Variants in CCDC60 observed in about 807,000 individuals in gnomAD.
The protein encoded by CCDC60 is coiled-coil domain containing 60.
In CCDC60, 54 loss-of-function variants were observed where a neutral mutation model predicts 63.5. The ratio of observed to expected loss-of-function variants is 0.85; its 90% confidence interval spans 0.68 to 1.07. CCDC60 has a LOEUF of 1.07. Ranked by LOEUF, CCDC60 falls within the 50% of genes least tolerant of loss-of-function variation. The pLI, the probability that CCDC60 is intolerant of heterozygous loss-of-function variation, is 0.00. For synonymous variants in CCDC60, 206 were observed against 238.8 expected (o/e 0.86, Z 1.27); for missense variants, 651 against 684.3 (o/e 0.95, Z 0.54).
intron 9 of CCDC60, among the ~76,000 whole-genome samples, chr12:119,521,833 T>A (rs1202114748): frequency 6.6e-6 from 1 of 152,182 alleles, no homozygotes; most frequent in Non-Finnish European, 1.5e-5. Context: ...CCCAAAGGAT[T>A]CATCTGCAGG....
chr12:119,515,359 C>A (rs1037913865), intron 7 of CCDC60, among the ~76,000 whole-genome samples: 2 of 152,164 alleles, frequency 1.3e-5, no homozygotes, highest in African/African-American at 4.8e-5. Context: ...CTCACTCTGT[C>A]GTCCAGGCTG....
At chr12:119,406,272 C>T (rs1252460522) in intron 1 of CCDC60, among the ~76,000 whole-genome samples, 2 of 151,770 alleles carry the variant, frequency 1.3e-5, no homozygotes, top group African/African-American at 2.4e-5. Flanking sequence ...TGACTCCTTA[C>T]TTTGTGGAAG....
chr12:119,498,031 A>G (rs1170473083), intron 5 of CCDC60, among the ~76,000 whole-genome samples: 3 of 152,174 alleles, frequency 2.0e-5, no homozygotes, highest in Non-Finnish European at 4.4e-5. Flanking sequence ...CCCGACTTCC[A>G]CTTTGGGTCT....
At chr12:119,425,758 T>G (rs1318875038) in intron 1 of CCDC60, among the ~76,000 whole-genome samples, 1 of 152,220 alleles carries the variant, frequency 6.6e-6, no homozygotes, top group Non-Finnish European at 1.5e-5. Context: ...TCTCTGCCTG[T>G]GCTTCTCAGA....
chr12:119,389,355 T>C (rs1956115470), intron 1 of CCDC60, among the ~76,000 whole-genome samples: 2 of 152,188 alleles, frequency 1.3e-5, no homozygotes, highest in African/African-American at 4.8e-5. Flanking sequence ...ATATGGTCTA[T>C]GGTTGCCTTC....
intron 2 of CCDC60, among the ~76,000 whole-genome samples, chr12:119,430,282 CAAGT>C (rs1421022138): frequency 1.3e-5 from 2 of 151,794 alleles, no homozygotes; most frequent in Non-Finnish European, 2.9e-5. Context: ...GTTAAAGAAA[CAAGT>C]AAGGCTAAAA....
intron 2 of CCDC60, among the ~76,000 whole-genome samples, chr12:119,448,645 G>A (rs1259820582): frequency 6.6e-6 from 1 of 152,178 alleles, no homozygotes; most frequent in African/African-American, 2.4e-5. Flanking sequence ...AAATATGATG[G>A]GGTAAATAGA....
At chr12:119,523,608 G>T in intron 10 of CCDC60, 85 bp from the exon 11 acceptor site, 1 of 1,581,258 alleles carries the variant, frequency 6.3e-7, no homozygotes, top group South Asian at 1.2e-5. Context: ...GCACCTTGGG[G>T]CTAAGGGGGG....
At chr12:119,454,535 G>A (rs902782557) in intron 2 of CCDC60, among the ~76,000 whole-genome samples, 2 of 152,244 alleles carry the variant, frequency 1.3e-5, no homozygotes, top group African/African-American at 4.8e-5. Context: ...TCTTGACAGA[G>A]TTTCATGTTT....
chr12:119,368,030 A>T (rs1171823509), intron 1 of CCDC60, among the ~76,000 whole-genome samples: 1 of 149,474 alleles, frequency 6.7e-6, no homozygotes, highest in Non-Finnish European at 1.5e-5. Context: ...TGTGTGAATT[A>T]TATGTCAATA....
At chr12:119,440,102 C>T (rs1950412494) in intron 2 of CCDC60, among the ~76,000 whole-genome samples, 1 of 152,098 alleles carries the variant, frequency 6.6e-6, no homozygotes, top group African/African-American at 2.4e-5. Context: ...AGGACAAATA[C>T]CTAACGCATG....
intron 10 of CCDC60, 34 bp downstream of exon 10, chr12:119,523,035 A>C (rs758430882): frequency 1.3e-6 from 2 of 1,583,028 alleles, no homozygotes; most frequent in Non-Finnish European, 8.7e-7. Context: ...GAACCACGCA[A>C]GAGGGAATAT....
chr12:119,540,852 T>G lies in CCDC60; in HGVS notation c.*137T>G. On this transcript the variant is annotated 3_prime_UTR_variant, in exon 14 of 14. Coordinates refer to ENST00000327554, the MANE Select transcript of CCDC60 (RefSeq NM_178499.5). Reference sequence around the variant, plus strand: ...GATGACCCTTTACAGTAGGGTCATCTGGAGACTGACTTCCAGCAACATTTT... The same window carrying G: ...GATGACCCTTTACAGTAGGGTCATCGGGAGACTGACTTCCAGCAACATTTT... 1 of 596,250 alleles carries G rather than the reference T, an allele frequency of 1.7e-6. No individual in the cohort carries two copies. The highest frequency in any genetic ancestry group is 2.9e-6 in the Non-Finnish European group (1 of 348,156). 36.9% of individuals were successfully genotyped at this position (596,250 alleles called of 1,614,324 possible).
chr12:119,524,370 C>T, intron 11 of CCDC60: 3 of 808,900 alleles, frequency 3.7e-6, no homozygotes, highest in Non-Finnish European at 4.5e-6. Context: ...TTCTGATAAC[C>T]CAATAACTTC....
intron 1 of CCDC60, among the ~76,000 whole-genome samples, chr12:119,347,045 A>C (rs1021606227): frequency 6.6e-6 from 1 of 151,924 alleles, no homozygotes; most frequent in African/African-American, 2.4e-5. Context: ...AGCTGGTCTC[A>C]AACTCCTGAC....
intron 2 of CCDC60, among the ~76,000 whole-genome samples, chr12:119,452,821 T>C (rs560699169): frequency 6.6e-6 from 1 of 151,866 alleles, no homozygotes. Flanking sequence ...CTTGTTTTTT[T>C]TTTGTTTGTT....
chr12:119,500,226 A>C, intron 6 of CCDC60, 58 bp downstream of exon 6: 2 of 1,192,244 alleles, frequency 1.7e-6, no homozygotes, highest in South Asian at 2.6e-5. Context: ...TGTGTTGAGG[A>C]GTATTTTTGC....
At chr12:119,453,037 G>C (rs1165995327) in intron 2 of CCDC60, among the ~76,000 whole-genome samples, 2 of 152,112 alleles carry the variant, frequency 1.3e-5, no homozygotes, top group African/African-American at 4.8e-5. Context: ...ATGTTGGCCA[G>C]ACTGGTCTCG....
chr12:119,452,394 G>A (rs535314903), intron 2 of CCDC60, among the ~76,000 whole-genome samples: 1 of 152,262 alleles, frequency 6.6e-6, no homozygotes, highest in Non-Finnish European at 1.5e-5. Flanking sequence ...CAACTACTCA[G>A]ATAAGACAAT....
Sources: gnomAD v4.1 joint callset for allele counts (sites outside exome capture counted in the v4.1 genomes callset) on GRCh38, gnomAD v4.1.1 for gene constraint, MANE v1.5 for transcripts, NCBI Gene and HGNC (gene_info 2026-07-23, HGNC 2026-07-21) for gene names.